ICE1: variants seen among roughly 807,000 people sequenced by gnomAD.
ICE1 encodes little elongation complex subunit 1.
A neutral mutation model predicts 192.7 loss-of-function variants in ICE1; 64 were observed. The ratio of observed to expected loss-of-function variants is 0.33; its 90% CI spans 0.27 to 0.41. The LOEUF is 0.41. Among genes scored for constraint, ICE1 ranks in the 10% least tolerant of loss-of-function variants. The pLI, the probability that ICE1 is intolerant of heterozygous loss-of-function variation, is 1.00. For missense variants in ICE1, 2,708 were observed against 2,696.0 expected, an observed-to-expected ratio of 1.00 and a Z score of -0.10; for synonymous variants, 1,010 against 984.5, an observed-to-expected ratio of 1.03 and a Z score of -0.49.
intron 17 of ICE1, among the ~76,000 whole-genome samples, 161 bp downstream of exon 17, chr5:5,476,240 C>G (rs1312976390): frequency 1.3e-5 from 2 of 151,956 alleles, no homozygotes; most frequent in Non-Finnish European, 2.9e-5. Flanking sequence ...CTTTCTCTCT[C>G]CTTGTAAATT....
At position 5,422,773 on chromosome 5, in the gene ICE1, C is replaced by T. The variant is rs2111320053; in HGVS notation, c.-143C>T. The stretch of plus-strand genomic sequence containing the variant: ...GAGCCTTTTGCTAGCCCCACGGGGA[C>T]CTCTGTGCACGGATGGACCCGCCCG... On this transcript the variant is annotated 5_prime_UTR_variant, in exon 1 of 19. Transcript: ENST00000296564. 2.3e-6 allele frequency: 1 copy of T among 434,878 alleles called. No homozygotes were observed. Among genetic ancestry groups the T allele is most frequent in the East Asian group, 3.9e-5 (1 of 25,452 alleles). The allele number at this position is 434,878 out of a possible 1,614,324, so 26.9% of individuals were successfully genotyped here.
At chr5:5,480,394 C>T (rs923112458) in intron 17 of ICE1, among the ~76,000 whole-genome samples, 1 of 151,710 alleles carries the variant, frequency 6.6e-6, no homozygotes, top group African/African-American at 2.4e-5. Flanking sequence ...GGACTACAGG[C>T]GCCCGCCACC....
chr5:5,447,458 G>A lies in ICE1; in HGVS notation c.456G>A (p.Lys152=), dbSNP rs1738265312. Residue 152 remains lysine (K), a synonymous_variant, in exon 8 of 19, where the codon AAG becomes AAA. Transcript: ENST00000296564. ...CTGTCAAGCAAACTCAGGACTTCAA[G>A]CAACTGAGAAATGAAAAGAAAATAC... ...EAAVKQTQDF[K]QLRNEKKILE... 1.3e-6 allele frequency: 2 copies of A among 1,552,880 alleles called. No individual in the cohort carries two copies. The highest frequency in any genetic ancestry group is 1.7e-6 in the Non-Finnish European group (2 of 1,147,560).
At chr5:5,441,252 T>G (rs1738044642) in intron 5 of ICE1, 29 bp downstream of exon 5, 3 of 1,362,596 alleles carry the variant, frequency 2.2e-6, no homozygotes, top group Admixed American at 2.0e-5. Flanking sequence ...TGTAAAGATT[T>G]ACGGTCAATA....
Position 5,422,758 on chromosome 5 carries a change from C to G in ICE1, c.-158C>G. 1 of 397,194 alleles carries G rather than the reference C, an allele frequency of 2.5e-6. No homozygotes were observed. 24.6% of individuals were successfully genotyped at this position (397,194 alleles called of 1,614,324 possible). A position where few individuals can be genotyped will look rare whatever the true frequency, so the allele number is the denominator to read the frequency against. On this transcript the variant is annotated 5_prime_UTR_variant, in exon 1 of 19. Coordinates refer to ENST00000296564, the MANE Select transcript of ICE1 (RefSeq NM_015325.3). ...CAGCTCTGGCTCGGAGAGCCTTTTG[C>G]TAGCCCCACGGGGACCTCTGTGCAC...
Position 5,464,339 on chromosome 5 carries a change from G to T in ICE1, c.5005G>T (p.Val1669Phe). 8 of 1,613,596 alleles carry T rather than the reference G, an allele frequency of 5.0e-6. No individual in the cohort carries two copies. The highest frequency in any genetic ancestry group is 5.9e-6 in the Non-Finnish European group (7 of 1,179,830). ...CTCACCAGCCTCTCCTGTTGGCCAG[G>T]TTTCTCCCTTCCGTGAAACCCCAGT... ...PSSPASPVGQVSPFRETPVPP... is the reference protein window; with the variant it reads ...PSSPASPVGQFSPFRETPVPP... The change falls in exon 13 of 19, where the codon GTT becomes TTT. Residue 1669 changes from valine (V) to phenylalanine (F), a missense_variant. Physicochemically the swap from Val to Phe is conservative, Grantham distance 50. Around this residue, in one of 2 missense-constraint regions of ICE1, gnomAD observed 2,366 missense variants for 2,276.6 expected, o/e 1.04. Transcript: ENST00000296564. This position sits in a 1 kb window ranked among gnomAD's most constrained non-coding sequence, Gnocchi z 4.0.
intron 5 of ICE1, 125 bp downstream of exon 5, chr5:5,441,348 GTAT>G (rs1374903234): frequency 3.2e-6 from 2 of 623,656 alleles, no homozygotes; most frequent in African/African-American, 3.7e-5. Flanking sequence ...GACTCTCAGT[GTAT>G]TATTAGCTTT....
intron 10 of ICE1, among the ~76,000 whole-genome samples, chr5:5,449,231 CT>C (rs1413108692): frequency 6.6e-6 from 1 of 152,086 alleles, no homozygotes; most frequent in Non-Finnish European, 1.5e-5. Flanking sequence ...GTATATTTTA[CT>C]TTTCCCAAAT....
At chr5:5,434,623 A>G (rs977468124) in intron 1 of ICE1, among the ~76,000 whole-genome samples, 4 of 152,174 alleles carry the variant, frequency 2.6e-5, no homozygotes, top group Non-Finnish European at 5.9e-5. Flanking sequence ...TACTCATGCT[A>G]GTGGTAAAAA....
At chr5:5,437,826 G>A (rs968459618) in intron 3 of ICE1, 9 of 152,198 alleles carry the variant, frequency 5.9e-5, no homozygotes, top group African/African-American at 9.7e-5. Flanking sequence ...GTAAACATAC[G>A]TATACTCCTT....
At chr5:5,426,628 G>C (rs1239592686) in intron 1 of ICE1, among the ~76,000 whole-genome samples, 1 of 152,168 alleles carries the variant, frequency 6.6e-6, no homozygotes, top group African/African-American at 2.4e-5. Flanking sequence ...TGATGAAGGG[G>C]AACATGGAAT....
At chr5:5,460,368 GCATTT>G in intron 12 of ICE1, 63 bp from the exon 13 acceptor site, 2 of 960,012 alleles carry the variant, frequency 2.1e-6, no homozygotes, top group Non-Finnish European at 3.1e-6. Context: ...AAAAAATAAT[GCATTT>G]AATTGATAGT....
chr5:5,468,746 A>G lies in ICE1; in HGVS notation c.6062-82A>G, dbSNP rs1057048928. The G allele has an allele frequency of 4.6e-6, 4 of 866,378 alleles. No homozygotes were observed. The African/African-American group carries it at 5.3e-5, about 11-fold the overall frequency. 53.7% of individuals were successfully genotyped at this position (866,378 alleles called of 1,614,324 possible). A position where few individuals can be genotyped will look rare whatever the true frequency, so the allele number is the denominator to read the frequency against. ...AGGATGCCTGCAAGGCACCAGTGAA[A>G]TTAATACAATTTGTTCTTAATTTGC... is the stretch of plus-strand genomic sequence containing the variant. On this transcript the variant is annotated intron_variant, in intron 14 of 18. Transcript: ENST00000296564.
chr5:5,464,594 A>G lies in ICE1; in HGVS notation c.5260A>G (p.Thr1754Ala). ...GGAGAATTCTGTGAAAATCCTTGAC[A>G]CCATGTATCCAGAGTTATCTGCCAG... ...PQENSVKILD[T>A]MYPELSARAR... The change falls in exon 13 of 19, where the codon ACC (threonine) becomes GCC (alanine). Residue 1754 changes from threonine to alanine, a missense_variant. Thr to Ala is a moderately conservative substitution (Grantham distance 58). Around this residue, in one of 2 missense-constraint regions of ICE1, gnomAD observed 2,366 missense variants for 2,276.6 expected, o/e 1.04. Transcript: ENST00000296564. This position sits in a 1 kb window ranked among gnomAD's most constrained non-coding sequence, Gnocchi z 4.0. 1 of 1,611,418 alleles carries G rather than the reference A, an allele frequency of 6.2e-7. No individual in the cohort carries two copies. The highest frequency in any genetic ancestry group is 8.5e-7 in the Non-Finnish European group (1 of 1,178,592).
chr5:5,473,823 A>T (rs1579575507), intron 16 of ICE1, 75 bp downstream of exon 16: 1 of 1,126,432 alleles, frequency 8.9e-7, no homozygotes, highest in Non-Finnish European at 1.2e-6. Context: ...TTGTGGCTTG[A>T]ATCATTTTTG....
At chr5:5,480,557 T>G (rs1037630087) in intron 17 of ICE1, among the ~76,000 whole-genome samples, 4 of 152,172 alleles carry the variant, frequency 2.6e-5, no homozygotes, top group Admixed American at 1.3e-4. Context: ...GGATTTTTCT[T>G]AATGAAAACT....
intron 10 of ICE1, among the ~76,000 whole-genome samples, chr5:5,452,448 A>C (rs1414751694): frequency 1.3e-5 from 2 of 152,214 alleles, no homozygotes; most frequent in East Asian, 3.9e-4. Flanking sequence ...CTGAACCAGC[A>C]GATGTCTAAG....
chr5:5,431,587 C>T (rs1226741722), intron 1 of ICE1, among the ~76,000 whole-genome samples: 3 of 152,158 alleles, frequency 2.0e-5, no homozygotes, highest in Non-Finnish European at 2.9e-5. Context: ...ATTTCGAAGG[C>T]TTGCTTTCTA....
rs538317111 is a variant in ICE1, at chr5:5,422,949, G to A, written c.34G>A (p.Gly12Arg). ...MPGETHSAAP[G>R]TAADLSRCQG... is the part of the protein sequence containing the mutation. ...GGGCGAGACCCATTCGGCGGCGCCC[G>A]GGACGGCGGCGGACCTGTCGCGATG... The change falls in exon 1 of 19, where the codon GGG (glycine) becomes AGG (arginine). Residue 12 changes from glycine (G) to arginine (R), a missense_variant. Physicochemically the swap from Gly to Arg is moderately radical, Grantham distance 125 (BLOSUM62 -2). Transcript: ENST00000296564. The A allele has an allele frequency of 4.8e-6, 7 of 1,448,634 alleles. 1 individual carries two copies. In the South Asian group the frequency reaches 6.7e-5, roughly 14 times the overall value. The allele number at this position is 1,448,634 out of a possible 1,614,324, so 89.7% of individuals were successfully genotyped here.
Sources: gnomAD v4.1 joint callset for allele counts (sites outside exome capture counted in the v4.1 genomes callset) on GRCh38, gnomAD v4.1.1 for gene constraint, gnomAD v4.1.1 regional missense constraint, Gnocchi (gnomAD v3.1) non-coding constraint, MANE v1.5 for transcripts, NCBI Gene and HGNC (gene_info 2026-07-23, HGNC 2026-07-21) for gene names.